The following KCND3 variants were observed in gnomAD, a reference collection of about 807,000 sequenced individuals.
KCND3 encodes potassium voltage-gated channel subfamily D member 3.
KCND3 carries 9 observed loss-of-function variants against 51.1 expected under a neutral mutation model. That is an observed-to-expected ratio of 0.18 (90% CI 0.11 to 0.31). The LOEUF is 0.31. KCND3 is among the 10% of genes least tolerant of loss of function. The pLI is 1.00. For synonymous variants in KCND3, 349 were observed against 368.0 expected (o/e 0.95, Z 0.59); for missense variants, 526 against 903.8 (o/e 0.58, Z 5.36).
At chr1:111,826,879 G>A (rs1199949620) in intron 2 of KCND3, among the ~76,000 whole-genome samples, 1 of 152,196 alleles carries the variant, frequency 6.6e-6, no homozygotes, top group African/African-American at 2.4e-5. Context: ...CTATGAGGCT[G>A]GTACTACAGG....
At chr1:111,977,418 GC>G (rs1674693546) in intron 2 of KCND3, among the ~76,000 whole-genome samples, 1 of 152,178 alleles carries the variant, frequency 6.6e-6, no homozygotes, top group African/African-American at 2.4e-5. Flanking sequence ...TCACCTGGAG[GC>G]GGCTTCCTGC....
chr1:111,858,544 TATC>T (rs1201497169), intron 2 of KCND3, among the ~76,000 whole-genome samples: 1 of 152,216 alleles, frequency 6.6e-6, no homozygotes, highest in Non-Finnish European at 1.5e-5. Flanking sequence ...AATTCATTAT[TATC>T]ATGTTGATTT....
At chr1:111,904,255 T>C (rs1049926512) in intron 2 of KCND3, among the ~76,000 whole-genome samples, 8 of 152,062 alleles carry the variant, frequency 5.3e-5, no homozygotes, top group Non-Finnish European at 1.0e-4. Flanking sequence ...GGGACTAAGC[T>C]GACTGCTAAA....
At chr1:111,902,061 T>G (rs543666072) in intron 2 of KCND3, among the ~76,000 whole-genome samples, 80 of 152,172 alleles carry the variant, frequency 5.3e-4, no homozygotes, top group Middle Eastern at 3.4e-3. Context: ...ATTCAGAATC[T>G]CCCAGAGCCC....
chr1:111,965,488 A>ACACACACACG (rs1557752929), intron 2 of KCND3, among the ~76,000 whole-genome samples: 1 of 148,932 alleles, frequency 6.7e-6, no homozygotes, highest in Non-Finnish European at 1.5e-5. Context: ...ACACACACAC[A>ACACACACACG]CGCCAGGAGC....
At chr1:111,788,759 C>T (rs1331774037) in intron 2 of KCND3, among the ~76,000 whole-genome samples, 1 of 152,282 alleles carries the variant, frequency 6.6e-6, no homozygotes, top group African/African-American at 2.4e-5. Context: ...AATGTGGGTT[C>T]AAGACTCACC....
rs1197608892 is a variant in KCND3, at chr1:111,780,772, A to T, written c.1289T>A (p.Ile430Asn). 1 of 1,613,308 alleles carries T rather than the reference A, an allele frequency of 6.2e-7. No individual in the cohort carries two copies. Among genetic ancestry groups the T allele is most frequent in the Non-Finnish European group, 8.5e-7 (1 of 1,179,844 alleles). The change falls in exon 4 of 8, where the codon ATC becomes AAC. Residue 430 changes from isoleucine (I) to asparagine (N), a missense_variant. Around this residue, in one of 5 missense-constraint regions of KCND3, gnomAD observed 266 missense variants for 305.5 expected, o/e 0.87. Coordinates refer to ENST00000302127, the MANE Select transcript of KCND3 (RefSeq NM_001378969.1). The surrounding 1 kb of genome is among the most constrained non-coding windows in gnomAD (Gnocchi z 4.2). ...RAQKKARLAR[I>N]RVAKTGSSNA... ...CGAACTGCCTGTTTTGGCCACACGG[A>T]TCCTGGCAAGGCGGGCCTTCTGTGA...
intron 2 of KCND3, among the ~76,000 whole-genome samples, chr1:111,816,962 C>T (rs535992692): frequency 2.6e-5 from 4 of 152,340 alleles, no homozygotes; most frequent in African/African-American, 9.6e-5. Context: ...TCTGCCTACA[C>T]ACCTGGATGT....
rs1674986718 is a variant in KCND3, at chr1:111,982,178, C to T, written c.549G>A (p.Leu183=). ...AGAAGCCAGTCACGTAGTAGAAGAC[C>T]AGGGCCAGCGTGCTGGTGTGGGGGT... ...FENPHTSTLA[L]VFYYVTGFFI... The change falls in exon 2 of 8, where the codon CTG becomes CTA. Residue 183 remains leucine (L), a synonymous_variant. Coordinates refer to ENST00000302127, the MANE Select transcript of KCND3 (RefSeq NM_001378969.1). This position sits in a 1 kb window ranked among gnomAD's most constrained non-coding sequence, Gnocchi z 8.5. The T allele has an allele frequency of 6.2e-7, 1 of 1,613,934 alleles. No homozygotes were observed. Among genetic ancestry groups the T allele is most frequent in the South Asian group, 1.1e-5 (1 of 91,074 alleles).
rs966131055 is a variant in KCND3, at chr1:111,775,989, G to A, written c.*88C>T. On this transcript the variant is annotated 3_prime_UTR_variant, in exon 8 of 8. Transcript: ENST00000302127. ...GGGCAGGCAGAAATAGTGGGGAAAG[G>A]GGGGAGGGAGTGGTCTCAGTGACCA... 54 of 1,364,758 alleles carry A rather than the reference G, an allele frequency of 4.0e-5. No individual in the cohort carries two copies. In the Middle Eastern group the frequency reaches 5.9e-4, roughly 15 times the overall value. 84.5% of individuals were successfully genotyped at this position (1,364,758 alleles called of 1,614,324 possible).
At chr1:111,972,456 G>A (rs1000109030) in intron 2 of KCND3, among the ~76,000 whole-genome samples, 1 of 152,178 alleles carries the variant, frequency 6.6e-6, no homozygotes, top group Non-Finnish European at 1.5e-5. Flanking sequence ...ACAGGCGTGA[G>A]CCCCCGCGCC....
intron 2 of KCND3, among the ~76,000 whole-genome samples, chr1:111,872,580 G>A (rs185625027): frequency 2.1e-3 from 310 of 150,408 alleles, no homozygotes; most frequent in African/African-American, 7.2e-3. Flanking sequence ...ATACTACTGC[G>A]TCTTTTTTGG....
chr1:111,867,820 C>A (rs1323761131), intron 2 of KCND3, among the ~76,000 whole-genome samples: 1 of 152,178 alleles, frequency 6.6e-6, no homozygotes, highest in African/African-American at 2.4e-5. Flanking sequence ...CAGTGAAAAT[C>A]CTAGCAATGT....
At chr1:111,934,553 G>A (rs1284226788) in intron 2 of KCND3, among the ~76,000 whole-genome samples, 6 of 152,150 alleles carry the variant, frequency 3.9e-5, no homozygotes, top group Non-Finnish European at 7.4e-5. Flanking sequence ...CCAGCGCCCC[G>A]CCAGACTCGT....
At chr1:111,969,883 G>T (rs534077338) in intron 2 of KCND3, among the ~76,000 whole-genome samples, 2 of 152,250 alleles carry the variant, frequency 1.3e-5, no homozygotes, top group Admixed American at 1.3e-4. Flanking sequence ...GATGCTGGAT[G>T]GCTGCCCCTG....
intron 2 of KCND3, among the ~76,000 whole-genome samples, chr1:111,957,830 C>T (rs1673416163): frequency 6.6e-6 from 1 of 152,200 alleles, no homozygotes; most frequent in Non-Finnish European, 1.5e-5. Flanking sequence ...GCTACAACAG[C>T]AGTGTTGAAT....
At chr1:111,942,634 C>T (rs1672580656) in intron 2 of KCND3, among the ~76,000 whole-genome samples, 2 of 152,370 alleles carry the variant, frequency 1.3e-5, no homozygotes, top group South Asian at 4.1e-4. Flanking sequence ...CTGGCTTCTC[C>T]ACCTTCCTGT....
intron 2 of KCND3, among the ~76,000 whole-genome samples, chr1:111,843,024 T>A (rs1026991538): frequency 6.6e-6 from 1 of 152,234 alleles, no homozygotes; most frequent in African/African-American, 2.4e-5. Context: ...GAATAAATGA[T>A]GCTTGTTATT....
At chr1:111,785,147 A>G (rs941694338) in intron 3 of KCND3, among the ~76,000 whole-genome samples, 2 of 152,176 alleles carry the variant, frequency 1.3e-5, no homozygotes, top group African/African-American at 2.4e-5. Context: ...TGGTGTGTGC[A>G]CAGCCGTGGG....
Sources: allele counts gnomAD v4.1 joint callset (sites outside exome capture counted in the v4.1 genomes callset), GRCh38; gene constraint gnomAD v4.1.1; regional missense constraint gnomAD v4.1.1; non-coding constraint Gnocchi (gnomAD v3.1); transcripts MANE v1.5; gene names NCBI Gene and HGNC (gene_info 2026-07-23, HGNC 2026-07-21).